The following POU6F2 variants were observed in gnomAD, a reference collection of about 807,000 sequenced individuals.
POU6F2 encodes POU domain, class 6, transcription factor 2.
A neutral mutation model predicts 71.3 loss-of-function variants in POU6F2; 31 were observed. The ratio of observed to expected loss-of-function variants is 0.43; its 90% CI spans 0.33 to 0.59. POU6F2 has a LOEUF of 0.59. POU6F2 is among the 20% of genes least tolerant of loss of function. The pLI is 0.04. For missense variants in POU6F2, 783 were observed against 856.8 expected, an observed-to-expected ratio of 0.91 and a Z score of 1.07; for synonymous variants, 347 against 355.7, an observed-to-expected ratio of 0.98 and a Z score of 0.27.
intron 2 of POU6F2, among the ~76,000 whole-genome samples, chr7:39,164,848 A>C (rs1793078534): frequency 6.6e-6 from 1 of 152,134 alleles, no homozygotes; most frequent in Non-Finnish European, 1.5e-5. Context: ...TTACAAGGAG[A>C]TGCTGATCCT....
At chr7:39,362,783 T>C (rs1456737350) in intron 5 of POU6F2, among the ~76,000 whole-genome samples, 2 of 152,072 alleles carry the variant, frequency 1.3e-5, no homozygotes, top group African/African-American at 4.8e-5. Flanking sequence ...GGTTACTCTT[T>C]GATGTAGGTT....
At chr7:39,359,600 A>T (rs1209732450) in intron 5 of POU6F2, among the ~76,000 whole-genome samples, 1 of 152,192 alleles carries the variant, frequency 6.6e-6, no homozygotes, top group Non-Finnish European at 1.5e-5. Flanking sequence ...ATAGGGAGAC[A>T]TAGCAAAAAG....
At chr7:38,998,838 T>TTTTTTTTTTTTTTTTTG (rs869182741) in intron 1 of POU6F2, among the ~76,000 whole-genome samples, 1 of 141,330 alleles carries the variant, frequency 7.1e-6, no homozygotes, top group Non-Finnish European at 1.5e-5. Flanking sequence ...TTTTTTTTTT[T>TTTTTTTTTTTTTTTTTG]TATTTTCAGT....
chr7:39,272,343 T>A (rs2128757217), intron 4 of POU6F2, among the ~76,000 whole-genome samples: 1 of 152,302 alleles, frequency 6.6e-6, no homozygotes, highest in Admixed American at 6.5e-5. Flanking sequence ...GTCTTCCCAG[T>A]CAGCCTGATC....
rs906226751 is a variant in POU6F2, at chr7:39,070,840, A to G, written c.106-15020A>G. Among the ~76,000 whole-genome samples the G allele has an allele frequency of 3.9e-5, 6 of 152,130 alleles. No homozygotes were observed. The South Asian group carries it at 1.0e-3, about 26-fold the overall frequency. Reference sequence around the variant, plus strand: ...CTCGTTACTACTCAACATCGTATTTACTTATTTCGCTTTTGCCTGTCTCTC... The same window carrying G: ...CTCGTTACTACTCAACATCGTATTTGCTTATTTCGCTTTTGCCTGTCTCTC... On this transcript the variant is annotated intron_variant, in intron 1 of 9. Transcript: ENST00000518318.
At chr7:39,003,705 C>T (rs998357190) in intron 1 of POU6F2, among the ~76,000 whole-genome samples, 4 of 149,866 alleles carry the variant, frequency 2.7e-5, no homozygotes, top group South Asian at 2.1e-4. Context: ...GCCAAGATCG[C>T]GCCACTGAAC....
chr7:39,444,445 A>G (rs1034966498), intron 7 of POU6F2, among the ~76,000 whole-genome samples: 1 of 152,210 alleles, frequency 6.6e-6, no homozygotes, highest in Non-Finnish European at 1.5e-5. Context: ...TTAGCTGCGC[A>G]TGGTGGTGCA....
intron 4 of POU6F2, among the ~76,000 whole-genome samples, chr7:39,260,593 A>T (rs199586971): frequency 4.7e-5 from 7 of 147,900 alleles, no homozygotes; most frequent in African/African-American, 1.3e-4. Flanking sequence ...CATACCACAT[A>T]CCACACACAC....
chr7:38,982,600 T>G (rs2116592310), intron 1 of POU6F2, among the ~76,000 whole-genome samples: 1 of 152,254 alleles, frequency 6.6e-6, no homozygotes, highest in African/African-American at 2.4e-5. Flanking sequence ...AAGCAGACAT[T>G]TAAATGGTAA....
intron 2 of POU6F2, among the ~76,000 whole-genome samples, chr7:39,130,391 C>T (rs1013460005): frequency 6.6e-6 from 1 of 152,116 alleles, no homozygotes; most frequent in Non-Finnish European, 1.5e-5. Flanking sequence ...GATTTAGACG[C>T]ACATGGGCCA....
chr7:39,163,461 C>T (rs1793040083), intron 2 of POU6F2, among the ~76,000 whole-genome samples: 1 of 152,158 alleles, frequency 6.6e-6, no homozygotes, highest in African/African-American at 2.4e-5. Context: ...CCTGCTTTGA[C>T]ACTTATGAGG....
chr7:39,011,083 G>T (rs1263349361), intron 1 of POU6F2, among the ~76,000 whole-genome samples: 4 of 119,746 alleles, frequency 3.3e-5, no homozygotes, highest in African/African-American at 1.2e-4. Flanking sequence ...TATCCTTGTT[G>T]ACTTTCTGTC....
intron 2 of POU6F2, among the ~76,000 whole-genome samples, chr7:39,110,805 CATAAAT>C: frequency 6.6e-6 from 1 of 152,224 alleles, no homozygotes; most frequent in South Asian, 2.1e-4. Flanking sequence ...ATCTTGTTGA[CATAAAT>C]GAAAATAGCA....
intron 5 of POU6F2, among the ~76,000 whole-genome samples, chr7:39,385,224 A>G (rs1268401336): frequency 6.6e-6 from 1 of 152,220 alleles, no homozygotes; most frequent in Admixed American, 6.5e-5. Context: ...AGACACAGTA[A>G]GTTCTGCAAA....
intron 4 of POU6F2, among the ~76,000 whole-genome samples, chr7:39,264,268 A>G (rs1178320425): frequency 1.3e-5 from 2 of 152,210 alleles, no homozygotes; most frequent in African/African-American, 4.8e-5. Flanking sequence ...TAAGTGCTCT[A>G]TTGGTGTTAG....
intron 4 of POU6F2, among the ~76,000 whole-genome samples, chr7:39,266,555 G>GGGAC (rs1407103495): frequency 2.6e-5 from 4 of 152,010 alleles, no homozygotes; most frequent in Non-Finnish European, 5.9e-5. Context: ...AGGGGGAATG[G>GGGAC]GGACTTGCTA....
intron 4 of POU6F2, among the ~76,000 whole-genome samples, chr7:39,334,852 G>A (rs1249236784): frequency 1.3e-5 from 2 of 152,192 alleles, no homozygotes; most frequent in African/African-American, 2.4e-5. Flanking sequence ...GAGTTAGGGA[G>A]GCAAAGGCTA....
chr7:39,139,952 A>G (rs1039622340), intron 2 of POU6F2, among the ~76,000 whole-genome samples: 4 of 152,236 alleles, frequency 2.6e-5, no homozygotes, highest in Non-Finnish European at 5.9e-5. Flanking sequence ...TGCCATTTTT[A>G]TAGCATTGAA....
chr7:39,293,476 A>T (rs1418163905), intron 4 of POU6F2, among the ~76,000 whole-genome samples: 1 of 151,932 alleles, frequency 6.6e-6, no homozygotes, highest in African/African-American at 2.4e-5. Context: ...CTCCCCTTGA[A>T]TTTATTTTCC....
Sources: gnomAD v4.1 joint callset for allele counts (sites outside exome capture counted in the v4.1 genomes callset) on GRCh38, gnomAD v4.1.1 for gene constraint, MANE v1.5 for transcripts, NCBI Gene and HGNC (gene_info 2026-07-23, HGNC 2026-07-21) for gene names.